The following NELL1 variants were observed in gnomAD, a reference collection of about 807,000 sequenced individuals.
NELL1 encodes protein kinase C-binding protein NELL1.
In NELL1, 76 loss-of-function variants were observed where a neutral mutation model predicts 107.4. That is an observed-to-expected ratio of 0.71 (90% CI 0.59 to 0.86). The LOEUF is 0.86. Among genes scored for constraint, NELL1 ranks in the 40% least tolerant of loss-of-function variants. The pLI is 0.00. For synonymous variants in NELL1, 353 were observed against 341.2 expected, an observed-to-expected ratio of 1.03 and a Z score of -0.38; for missense variants, 1,024 against 1,005.5, an observed-to-expected ratio of 1.02 and a Z score of -0.25.
intron 2 of NELL1, among the ~76,000 whole-genome samples, chr11:20,713,822 T>C (rs1855171126): frequency 6.6e-6 from 1 of 152,212 alleles, no homozygotes. Context: ...CAGCTGGAGA[T>C]TGGGAGTGCC....
intron 2 of NELL1, among the ~76,000 whole-genome samples, chr11:20,738,402 A>C (rs2133930866): frequency 6.6e-6 from 1 of 152,244 alleles, no homozygotes; most frequent in Middle Eastern, 3.4e-3. Context: ...GCTGGGGCAC[A>C]GGGAGTGCAG....
intron 2 of NELL1, among the ~76,000 whole-genome samples, chr11:20,732,823 G>A (rs1393435443): frequency 6.6e-6 from 1 of 152,112 alleles, no homozygotes; most frequent in African/African-American, 2.4e-5. Flanking sequence ...GGAGGCATGG[G>A]CTTTTGTATC....
At chr11:20,966,634 G>A (rs938227038) in intron 12 of NELL1, among the ~76,000 whole-genome samples, 1 of 151,872 alleles carries the variant, frequency 6.6e-6, no homozygotes, top group Non-Finnish European at 1.5e-5. Context: ...CCTTTCCAAG[G>A]CACAGAGATT....
intron 3 of NELL1, among the ~76,000 whole-genome samples, chr11:20,832,927 G>T (rs1858043716): frequency 6.6e-6 from 1 of 152,176 alleles, no homozygotes; most frequent in African/African-American, 2.4e-5. Flanking sequence ...TTCCATGTTG[G>T]TTCTGTTAAG....
At chr11:20,873,638 T>G (rs1351830716) in intron 4 of NELL1, among the ~76,000 whole-genome samples, 1 of 151,686 alleles carries the variant, frequency 6.6e-6, no homozygotes, top group Non-Finnish European at 1.5e-5. Flanking sequence ...CTCAGAGAGG[T>G]TTAGTAACTT....
At chr11:21,372,238 T>G (rs927564962) in intron 15 of NELL1, among the ~76,000 whole-genome samples, 7 of 152,000 alleles carry the variant, frequency 4.6e-5, no homozygotes, top group African/African-American at 1.7e-4. Flanking sequence ...GACACATGTC[T>G]TTACTGAACT....
At chr11:21,320,508 G>A (rs1849985334) in intron 14 of NELL1, among the ~76,000 whole-genome samples, 1 of 152,158 alleles carries the variant, frequency 6.6e-6, no homozygotes, top group Non-Finnish European at 1.5e-5. Context: ...GGAACTCAAT[G>A]CACTTTCTTA....
chr11:20,775,158 T>C (rs142612963), intron 2 of NELL1, among the ~76,000 whole-genome samples: 1 of 152,290 alleles, frequency 6.6e-6, no homozygotes, highest in East Asian at 1.9e-4. Flanking sequence ...AATTCAGACA[T>C]GTGGAAAGAG....
chr11:21,070,026 G>A (rs1436430990), intron 12 of NELL1, among the ~76,000 whole-genome samples: 1 of 152,100 alleles, frequency 6.6e-6, no homozygotes, highest in Non-Finnish European at 1.5e-5. Flanking sequence ...GGAACCATGT[G>A]ATAACGTATA....
At chr11:20,945,469 A>G (rs1288048314) in intron 10 of NELL1, among the ~76,000 whole-genome samples, 1 of 152,242 alleles carries the variant, frequency 6.6e-6, no homozygotes. Flanking sequence ...TGAGAGTGAC[A>G]GAGGTGAGCC....
chr11:21,237,852 G>T (rs148808115), intron 14 of NELL1, among the ~76,000 whole-genome samples: 32 of 152,120 alleles, frequency 2.1e-4, no homozygotes, highest in African/African-American at 7.7e-4. Flanking sequence ...GTCAGTAAAT[G>T]CTGTACTGGC....
rs76028347 is a variant in NELL1, at chr11:20,819,663, T to G, written c.336-27920T>G. Among the ~76,000 whole-genome samples the G allele has an allele frequency of 3.4e-3, 521 of 152,310 alleles. 20 individuals carry two copies. The East Asian group carries it at 0.09, about 26-fold the overall frequency. On this transcript the variant is annotated intron_variant, in intron 3 of 19. Coordinates refer to ENST00000357134, the MANE Select transcript of NELL1 (RefSeq NM_006157.5). ...AAATGAAAAATATAACATTCAGCCT[T>G]TATCGATAAGTTCCCCTTCTTTAAG... is the stretch of plus-strand genomic sequence containing the variant.
intron 2 of NELL1, among the ~76,000 whole-genome samples, chr11:20,749,534 G>C (rs922864955): frequency 3.9e-5 from 6 of 152,150 alleles, no homozygotes; most frequent in Non-Finnish European, 8.8e-5. Flanking sequence ...CTAGGAGGTT[G>C]AGGCTGCAGT....
intron 14 of NELL1, chr11:21,284,376 CTT>C (rs1459128767): frequency 2.2e-6 from 1 of 457,058 alleles, no homozygotes; most frequent in Non-Finnish European, 4.4e-6. Flanking sequence ...AAGGCCAAGT[CTT>C]TGTGCATTGC....
intron 9 of NELL1, among the ~76,000 whole-genome samples, chr11:20,930,937 A>G (rs896897107): frequency 6.6e-6 from 1 of 152,172 alleles, no homozygotes; most frequent in African/African-American, 2.4e-5. Context: ...AAATTATTAA[A>G]ACACTATTCT....
At chr11:20,690,383 C>G (rs1433668484) in intron 2 of NELL1, among the ~76,000 whole-genome samples, 1 of 152,306 alleles carries the variant, frequency 6.6e-6, no homozygotes, top group East Asian at 1.9e-4. Context: ...ATGGTGATGC[C>G]TGGGTTTTCT....
chr11:20,706,620 T>C (rs560012708), intron 2 of NELL1, among the ~76,000 whole-genome samples: 4 of 151,956 alleles, frequency 2.6e-5, no homozygotes, highest in African/African-American at 9.7e-5. Context: ...TGTATACATA[T>C]GTAACAAACC....
intron 12 of NELL1, among the ~76,000 whole-genome samples, chr11:20,976,352 A>G (rs1253407488): frequency 6.6e-6 from 1 of 152,070 alleles, no homozygotes; most frequent in Non-Finnish European, 1.5e-5. Context: ...TCAGAATGTA[A>G]CTGGCTACTG....
chr11:20,905,717 T>C (rs1177727873), intron 5 of NELL1, among the ~76,000 whole-genome samples: 2 of 151,976 alleles, frequency 1.3e-5, no homozygotes, highest in Non-Finnish European at 2.9e-5. Context: ...GATAAGATCA[T>C]TGAAATTAAC....
Sources: allele counts gnomAD v4.1 joint callset (sites outside exome capture counted in the v4.1 genomes callset), GRCh38; gene constraint gnomAD v4.1.1; transcripts MANE v1.5; gene names NCBI Gene and HGNC (gene_info 2026-07-23, HGNC 2026-07-21).